ST6GAL1: variants seen among roughly 807,000 people sequenced by gnomAD.
ST6GAL1 encodes ST6 beta-galactoside alpha-2,6-sialyltransferase 1, also known as beta-galactoside alpha-2,6-sialyltransferase 1.
Under a neutral mutation model 38.0 loss-of-function variants are expected in ST6GAL1, and 20 were observed. That is an observed-to-expected ratio of 0.53 (90% CI 0.37 to 0.77). The LOEUF is 0.77. Among genes scored for constraint, ST6GAL1 ranks in the 30% least tolerant of loss-of-function variants. The probability of loss-of-function intolerance (pLI) is 0.00; values close to 1 mark genes in which losing one functional copy is unlikely to be tolerated. For missense variants in ST6GAL1, 432 were observed against 496.4 expected, an observed-to-expected ratio of 0.87 and a Z score of 1.23; for synonymous variants, 196 against 188.2, an observed-to-expected ratio of 1.04 and a Z score of -0.34.
Position 186,984,745 on chromosome 3 carries a change from TCCCTCCCTCCCTCCCTCCC to T in ST6GAL1, c.-183+20820_-183+20838del, listed in dbSNP as rs1560150874. Among the ~76,000 whole-genome samples the T allele has an allele frequency of 9.1e-3, 306 of 33,632 alleles. 23 individuals carry two copies. The highest frequency in any genetic ancestry group is 0.012 in the Non-Finnish European group (202 of 16,254). The allele number at this position is 33,632 out of a possible 152,430, so 22.1% of individuals were successfully genotyped here. Reference sequence around the variant, plus strand: ...TTCCTCCCTTCCTTCCTTCCTTCCCTCCCTCCCTCCCTCCCTCCCTCCTTCCTTCCTTCCCTTCCTCCCT... The same window carrying T: ...TTCCTCCCTTCCTTCCTTCCTTCCCTTCCTTCCTTCCTTCCCTTCCTCCCT... On this transcript the variant is annotated intron_variant, in intron 2 of 7. Coordinates refer to ENST00000169298, the MANE Select transcript of ST6GAL1 (RefSeq NM_173216.2).
chr3:187,013,409 G>T (rs1328568284), intron 2 of ST6GAL1, among the ~76,000 whole-genome samples: 2 of 152,168 alleles, frequency 1.3e-5, no homozygotes, highest in Admixed American at 6.5e-5. Context: ...ACAGTGATTT[G>T]GTTGGAGAGC....
At chr3:187,015,668 T>A (rs1007654754) in intron 2 of ST6GAL1, among the ~76,000 whole-genome samples, 2 of 151,976 alleles carry the variant, frequency 1.3e-5, no homozygotes, top group African/African-American at 4.8e-5. Flanking sequence ...ATGAAACCTG[T>A]TTCTACAAAA....
intron 2 of ST6GAL1, among the ~76,000 whole-genome samples, chr3:186,974,333 C>A (rs188724004): frequency 6.6e-6 from 1 of 152,290 alleles, no homozygotes; most frequent in East Asian, 1.9e-4. Flanking sequence ...GGATCCCACA[C>A]CTTACAGACC....
intron 2 of ST6GAL1, among the ~76,000 whole-genome samples, chr3:186,977,124 C>G (rs1286453466): frequency 6.6e-6 from 1 of 152,214 alleles, no homozygotes; most frequent in Non-Finnish European, 1.5e-5. Context: ...GCTCCTCAGC[C>G]AGCAAGGCAT....
chr3:187,029,266 T>C (rs1157721795), intron 2 of ST6GAL1, among the ~76,000 whole-genome samples: 1 of 152,102 alleles, frequency 6.6e-6, no homozygotes, highest in Non-Finnish European at 1.5e-5. Context: ...GTCTATATGT[T>C]GATGGGAGTA....
chr3:186,976,277 G>T (rs990493126), intron 2 of ST6GAL1, among the ~76,000 whole-genome samples: 1 of 152,072 alleles, frequency 6.6e-6, no homozygotes, highest in South Asian at 2.1e-4. Flanking sequence ...CCCCTCCTCC[G>T]TAAGAATTGG....
At chr3:186,969,211 C>G (rs1376933406) in intron 2 of ST6GAL1, among the ~76,000 whole-genome samples, 1 of 151,990 alleles carries the variant, frequency 6.6e-6, no homozygotes, top group Non-Finnish European at 1.5e-5. Context: ...GGCCACCATG[C>G]CTGGCCTATT....
intron 1 of ST6GAL1, among the ~76,000 whole-genome samples, chr3:186,940,844 C>T (rs2108515246): frequency 6.7e-6 from 1 of 149,958 alleles, no homozygotes; most frequent in Admixed American, 6.7e-5. Flanking sequence ...TTTACCTTAC[C>T]AATCTTCTGT....
intron 2 of ST6GAL1, among the ~76,000 whole-genome samples, chr3:187,016,534 G>A (rs1441330314): frequency 6.6e-6 from 1 of 152,210 alleles, no homozygotes; most frequent in African/African-American, 2.4e-5. Context: ...TGAAGGGAAA[G>A]AGTAATGCGG....
chr3:186,966,810 A>G (rs1715144965), intron 2 of ST6GAL1, among the ~76,000 whole-genome samples: 1 of 152,204 alleles, frequency 6.6e-6, no homozygotes, highest in Non-Finnish European at 1.5e-5. Flanking sequence ...CAGGCGTGTC[A>G]GTCCCTGGAC....
intron 3 of ST6GAL1, 141 bp from the exon 4 acceptor site, chr3:187,042,513 T>C: frequency 2.6e-6 from 2 of 767,964 alleles, no homozygotes; most frequent in East Asian, 2.7e-5. Context: ...CTTAACAGGC[T>C]GCAGAGGTGG....
intron 2 of ST6GAL1, among the ~76,000 whole-genome samples, chr3:187,008,361 A>G (rs1716849207): frequency 6.6e-6 from 1 of 150,464 alleles, no homozygotes; most frequent in African/African-American, 2.5e-5. Flanking sequence ...AAGAAAGAAA[A>G]AAGAGAAAAG....
intron 1 of ST6GAL1, among the ~76,000 whole-genome samples, chr3:186,938,495 G>T (rs1027712145): frequency 6.6e-6 from 1 of 152,164 alleles, no homozygotes; most frequent in Non-Finnish European, 1.5e-5. Flanking sequence ...TTAAGTAATA[G>T]CTGTTATTGT....
rs117018148 is a variant in ST6GAL1 at position 186,979,446 on chromosome 3, G to C, written c.-183+15520G>C. Among the ~76,000 whole-genome samples, 328 of 152,270 alleles carry C rather than the reference G, an allele frequency of 2.2e-3. 12 individuals carry two copies. In the East Asian group the frequency reaches 0.053, roughly 25 times the overall value. On this transcript the variant is annotated intron_variant, in intron 2 of 7. Coordinates refer to ENST00000169298, the MANE Select transcript of ST6GAL1 (RefSeq NM_173216.2). The stretch of plus-strand genomic sequence containing the variant: ...CAGACTCAAACTCTGTGCCTGATCT[G>C]CTTCCCAAGAGAGGAACTCCTTGGG...
intron 2 of ST6GAL1, among the ~76,000 whole-genome samples, chr3:187,012,586 T>C (rs1716992327): frequency 6.6e-6 from 1 of 152,134 alleles, no homozygotes; most frequent in South Asian, 2.1e-4. Context: ...CACCAAGCAA[T>C]TAGTGCTTCT....
At chr3:187,017,320 G>A (rs76217129) in intron 2 of ST6GAL1, among the ~76,000 whole-genome samples, 8 of 152,124 alleles carry the variant, frequency 5.3e-5, no homozygotes, top group Admixed American at 3.9e-4. Context: ...GATGTTTATT[G>A]GTCTGGATCC....
At chr3:186,954,603 T>C (rs893802482) in intron 1 of ST6GAL1, among the ~76,000 whole-genome samples, 21 of 152,238 alleles carry the variant, frequency 1.4e-4, no homozygotes, top group Non-Finnish European at 1.3e-4. Context: ...TTTTTTCATA[T>C]GTTTGTTGGC....
chr3:187,034,389 TC>T (rs1482650310), intron 2 of ST6GAL1, among the ~76,000 whole-genome samples: 1 of 152,090 alleles, frequency 6.6e-6, no homozygotes, highest in Non-Finnish European at 1.5e-5. Context: ...GACAGATCCC[TC>T]TCTAACTCAT....
chr3:187,062,574 T>TCACACACACACA (rs57175575), intron 5 of ST6GAL1, among the ~76,000 whole-genome samples: 4,480 of 143,816 alleles, frequency 0.031, 105 homozygotes, highest in South Asian at 0.046. Context: ...AATAAGCCAG[T>TCACACACACACA]CACACACACA....
Sources: gnomAD v4.1 joint callset for allele counts (sites outside exome capture counted in the v4.1 genomes callset) on GRCh38, gnomAD v4.1.1 for gene constraint, MANE v1.5 for transcripts, NCBI Gene and HGNC (gene_info 2026-07-23, HGNC 2026-07-21) for gene names.